Variants in COQ4 observed in about 807,000 individuals in gnomAD.
The protein encoded by COQ4 is coenzyme Q4.
Under a neutral mutation model 30.2 loss-of-function variants are expected in COQ4, and 36 were observed. The ratio of observed to expected loss-of-function variants is 1.19; its 90% CI spans 0.91 to 1.57. The LOEUF is 1.57. COQ4 is among the 40% of genes most tolerant of loss of function. The pLI is 0.00. For synonymous variants in COQ4, 197 were observed against 161.0 expected (o/e 1.22, Z -1.69); for missense variants, 369 against 371.9 (o/e 0.99, Z 0.07).
chr9:128,331,972 G>A (rs1439944917), intron 4 of COQ4, 181 bp from the exon 5 acceptor site: 9 of 598,216 alleles, frequency 1.5e-5, no homozygotes, highest in South Asian at 6.4e-5. Flanking sequence ...CAGGTGATCC[G>A]CCCACCTTAG....
At chr9:128,324,271 G>T (rs1265993276) in intron 2 of COQ4, among the ~76,000 whole-genome samples, 2 of 150,020 alleles carry the variant, frequency 1.3e-5, no homozygotes, top group Non-Finnish European at 3.0e-5. Context: ...GAGCCACCAC[G>T]CCCGGCCAAG....
chr9:128,324,296 T>A (rs566033682), intron 2 of COQ4, among the ~76,000 whole-genome samples: 127 of 152,172 alleles, frequency 8.3e-4, no homozygotes, highest in Middle Eastern at 3.4e-3. Context: ...GCGAATTTTT[T>A]AATTTTTTTG....
chr9:128,324,773 G>A (rs774109348), intron 2 of COQ4, among the ~76,000 whole-genome samples: 1 of 147,068 alleles, frequency 6.8e-6, no homozygotes, highest in Non-Finnish European at 1.5e-5. Flanking sequence ...AAACAGAAAT[G>A]TGAAGCAATT....
At chr9:128,332,987 C>A in intron 6 of COQ4, 44 bp downstream of exon 6, 1 of 1,430,470 alleles carries the variant, frequency 7.0e-7, no homozygotes, top group Non-Finnish European at 9.9e-7. Context: ...AGGGTGGTAT[C>A]AGGACAGAAC....
intron 4 of COQ4, among the ~76,000 whole-genome samples, chr9:128,330,067 T>A (rs527298920): frequency 6.6e-6 from 1 of 152,138 alleles, no homozygotes; most frequent in Non-Finnish European, 1.5e-5. Context: ...CTGGATACTG[T>A]CCATAAAAAT....
chr9:128,332,981 T>C, intron 6 of COQ4, 38 bp downstream of exon 6: 1 of 1,510,830 alleles, frequency 6.6e-7, no homozygotes, highest in South Asian at 1.1e-5. Flanking sequence ...GGGTTGAGGG[T>C]GGTATCAGGA....
Position 128,322,855 on chromosome 9 carries a change from T to TGCCATGGCGACTCTGCTGC in COQ4, c.1_19dup, listed in dbSNP as rs746749974. The TGCCATGGCGACTCTGCTGC allele has an allele frequency of 1.3e-6, 2 of 1,554,690 alleles. No homozygotes were observed. The highest frequency in any genetic ancestry group is 1.7e-6 in the Non-Finnish European group (2 of 1,153,756). On this transcript the variant is annotated 5_prime_UTR_variant, in exon 1 of 7. In the 5' UTR this introduces an upstream ATG that the reference lacks. Coordinates refer to ENST00000300452, the MANE Select transcript of COQ4 (RefSeq NM_016035.5). ...CCGCCCATCCTCCGCGGACGCCCGC[T>TGCCATGGCGACTCTGCTGC]GCCATGGCGACTCTGCTGCGCCCTG...
intron 4 of COQ4, among the ~76,000 whole-genome samples, chr9:128,329,012 G>T (rs1259378814): frequency 6.6e-6 from 1 of 152,232 alleles, no homozygotes; most frequent in Non-Finnish European, 1.5e-5. Flanking sequence ...TTTAGATAAA[G>T]GTTCAAGGTG....
At chr9:128,323,262 G>C in intron 2 of COQ4, 115 bp downstream of exon 2, 2 of 1,035,670 alleles carry the variant, frequency 1.9e-6, no homozygotes, top group Non-Finnish European at 2.7e-6. Flanking sequence ...GTAACCACTC[G>C]GAACGTTTAT....
intron 4 of COQ4, among the ~76,000 whole-genome samples, chr9:128,328,057 A>G (rs923024016): frequency 1.3e-5 from 2 of 152,228 alleles, no homozygotes; most frequent in African/African-American, 4.8e-5. Context: ...CATTCTGAGT[A>G]GAGGGAATGG....
chr9:128,332,912 G>A lies in COQ4; in HGVS notation c.595G>A (p.Ala199Thr). 1 of 1,614,168 alleles carries A rather than the reference G, an allele frequency of 6.2e-7. No individual in the cohort carries two copies. Among genetic ancestry groups the A allele is most frequent in the Admixed American group, 1.7e-5 (1 of 60,024 alleles). ...TGGCCTGCCCATGTGCATCCTGGGT[G>A]CATTCTTTGGACCGATCCGACTTGG... ...QTGLPMCILGAFFGPIRLGAQ... is the reference protein window; with the variant it reads ...QTGLPMCILGTFFGPIRLGAQ... The change falls in exon 6 of 7, where the codon GCA becomes ACA. Residue 199 changes from alanine to threonine, a missense_variant. Physicochemically the swap from Ala to Thr is moderately conservative, Grantham distance 58. Coordinates refer to ENST00000300452, the MANE Select transcript of COQ4 (RefSeq NM_016035.5).
chr9:128,323,782 A>G (rs12345148), intron 2 of COQ4, among the ~76,000 whole-genome samples: 7,552 of 152,192 alleles, frequency 0.05, 332 homozygotes, highest in African/African-American at 0.12. Flanking sequence ...GTGAATCCCC[A>G]TCTCTACAAA....
chr9:128,323,213 C>T (rs1832246393), intron 2 of COQ4, 66 bp downstream of exon 2: 1 of 1,462,672 alleles, frequency 6.8e-7, no homozygotes, highest in African/African-American at 1.5e-5. Context: ...GTAACTGGAA[C>T]ATAGCCTAGG....
At chr9:128,331,554 T>TG (rs1036992076) in intron 4 of COQ4, 15 of 152,134 alleles carry the variant, frequency 9.9e-5, no homozygotes, top group African/African-American at 3.1e-4. Context: ...TCAGGGTCTT[T>TG]GGGGCTTCAT....
chr9:128,332,118 CAGGA>C, intron 4 of COQ4, 31 bp from the exon 5 acceptor site: 1 of 1,549,106 alleles, frequency 6.5e-7, no homozygotes, highest in African/African-American at 1.4e-5. Flanking sequence ...TGGGAACCAT[CAGGA>C]AGGGTTCTAG....
chr9:128,323,185 T>C (rs946339915), intron 2 of COQ4, 38 bp downstream of exon 2: 2 of 1,540,202 alleles, frequency 1.3e-6, no homozygotes, highest in Non-Finnish European at 1.7e-6. Context: ...GGGGGCGGCT[T>C]GGAGCCGTTT....
intron 2 of COQ4, 192 bp downstream of exon 2, chr9:128,323,339 GA>G (rs1832249694): frequency 1.6e-6 from 1 of 611,676 alleles, no homozygotes; most frequent in Admixed American, 3.5e-5. Context: ...AGTGGAGGGA[GA>G]AATGGGCGTG....
rs1480749307 is a variant in COQ4, at chr9:128,325,235, C to A, written c.295C>A (p.Leu99Met). The A allele has an allele frequency of 6.2e-7, 1 of 1,611,956 alleles. No individual in the cohort carries two copies. Among genetic ancestry groups the A allele is most frequent in the South Asian group, 1.1e-5 (1 of 90,966 alleles). ...GAGGGATCCAGAGGGTGCCCAGATCCTGCAGTAGGTCCCAGCTCTGCCTGG... is the reference window on the plus strand; with the variant it reads ...GAGGGATCCAGAGGGTGCCCAGATCATGCAGTAGGTCCCAGCTCTGCCTGG... ...MRRDPEGAQI[L>M]QERPRISTST... The change falls in exon 3 of 7, where the codon CTG becomes ATG. Residue 99 changes from leucine to methionine, a missense_variant. Transcript: ENST00000300452.
Position 128,322,956 on chromosome 9 carries a change from G to T in COQ4, c.70+28G>T, listed in dbSNP as rs756900070. 21 of 1,604,196 alleles carry T rather than the reference G, an allele frequency of 1.3e-5. No homozygotes were observed. In the South Asian group the frequency reaches 2.3e-4, roughly 18 times the overall value. On this transcript the variant is annotated intron_variant, in intron 1 of 6. Transcript: ENST00000300452. ...AAGTGGCGCCGGGTTCTGGGCGCAG[G>T]CGGGAAGGAGCCTGAGGGCGCCCGG...
Sources: gnomAD v4.1 joint callset for allele counts (sites outside exome capture counted in the v4.1 genomes callset) on GRCh38, gnomAD v4.1.1 for gene constraint, MANE v1.5 for transcripts, NCBI Gene and HGNC (gene_info 2026-07-23, HGNC 2026-07-21) for gene names.